Variants in ZBTB46 observed in about 807,000 individuals in gnomAD.
ZBTB46 encodes zinc finger and BTB domain-containing protein 46.
ZBTB46 carries 8 observed loss-of-function variants against 44.1 expected under a neutral mutation model. The observed-to-expected ratio is 0.18, with a 90% CI of 0.11 to 0.33. ZBTB46 has a LOEUF of 0.33. Ranked by LOEUF, ZBTB46 falls within the 10% of genes least tolerant of loss-of-function variation. The probability of loss-of-function intolerance (pLI) is 1.00; values close to 1 mark genes in which losing one functional copy is unlikely to be tolerated. For synonymous variants in ZBTB46, 409 were observed against 382.3 expected (o/e 1.07, Z -0.81); for missense variants, 651 against 847.7 (o/e 0.77, Z 2.88).
chr20:63,820,608 G>T (rs6011158), intron 1 of ZBTB46, among the ~76,000 whole-genome samples: 27,856 of 150,286 alleles, frequency 0.19, 3,156 homozygotes, highest in East Asian at 0.46. Flanking sequence ...AATTTTGAAT[G>T]TTTGGTAGAG....
At chr20:63,786,395 G>A (rs1380093263) in intron 2 of ZBTB46, among the ~76,000 whole-genome samples, 5 of 152,212 alleles carry the variant, frequency 3.3e-5, no homozygotes, top group Non-Finnish European at 5.9e-5. Context: ...TGTGGGTGGA[G>A]GCCACGGCTG....
At chr20:63,750,368 C>T (rs1354896411) in intron 4 of ZBTB46, among the ~76,000 whole-genome samples, 2 of 151,946 alleles carry the variant, frequency 1.3e-5, no homozygotes, top group Non-Finnish European at 2.9e-5. Flanking sequence ...GCCTCAGCCT[C>T]TCAAGTAGCT....
chr20:63,766,689 A>T (rs1345055732), intron 3 of ZBTB46, among the ~76,000 whole-genome samples: 1 of 152,220 alleles, frequency 6.6e-6, no homozygotes, highest in East Asian at 1.9e-4. Flanking sequence ...CACCTTTGGT[A>T]AAATGCCCCA....
At chr20:63,761,490 T>A (rs1402293677) in intron 3 of ZBTB46, among the ~76,000 whole-genome samples, 1 of 152,010 alleles carries the variant, frequency 6.6e-6, no homozygotes, top group Non-Finnish European at 1.5e-5. Context: ...ATCATTCAGT[T>A]AAAAATATTT....
Position 63,752,469 on chromosome 20 carries a change from G to A in ZBTB46, c.1398+217C>T, listed in dbSNP as rs2092177590. ...GGCCAGCAGGTGAGCAGGGTGGGCC[G>A]AAGCCTCTGCAGGGGCCATGTGGCC... On this transcript the variant is annotated intron_variant, in intron 4 of 4. Coordinates refer to ENST00000245663, the MANE Select transcript of ZBTB46 (RefSeq NM_001369741.1). This position sits in a 1 kb window ranked among gnomAD's most constrained non-coding sequence, Gnocchi z 5.6. 6.6e-6 allele frequency among the ~76,000 whole-genome samples: 1 copy of A among 151,986 alleles called. No individual in the cohort carries two copies. The highest frequency in any genetic ancestry group is 1.9e-4 in the East Asian group (1 of 5,136).
At chr20:63,812,569 G>A (rs1012958548) in intron 1 of ZBTB46, among the ~76,000 whole-genome samples, 4 of 152,222 alleles carry the variant, frequency 2.6e-5, no homozygotes, top group African/African-American at 7.2e-5. Context: ...AAGGTCAGGA[G>A]TTCAAGACCA....
At chr20:63,815,008 C>T (rs775277363) in intron 1 of ZBTB46, 13 of 163,878 alleles carry the variant, frequency 7.9e-5, no homozygotes, top group Non-Finnish European at 1.6e-4. Context: ...GTCGAGGCTG[C>T]AGTGAGCTGA....
At chr20:63,795,424 A>G (rs1243627269) in intron 1 of ZBTB46, among the ~76,000 whole-genome samples, 2 of 152,252 alleles carry the variant, frequency 1.3e-5, no homozygotes, top group Non-Finnish European at 2.9e-5. Context: ...CGGTGCAGTT[A>G]CATTGTGCAG....
chr20:63,745,334 C>A lies in ZBTB46; in HGVS notation c.*1596G>T, dbSNP rs2092078140. 4 of 152,248 alleles carry A rather than the reference C, an allele frequency of 2.6e-5. No homozygotes were observed. The highest frequency in any genetic ancestry group is 2.6e-4 in the Admixed American group (4 of 15,272). The allele number at this position is 152,248 out of a possible 1,614,324, so 9.4% of individuals were successfully genotyped here. ...ACCCTGTCATTGGTAGAACCGGGGGCCAATGTCAAAAAACAAAAGCCGTGA... is the reference window on the plus strand; with the variant it reads ...ACCCTGTCATTGGTAGAACCGGGGGACAATGTCAAAAAACAAAAGCCGTGA... On this transcript the variant is annotated 3_prime_UTR_variant, in exon 5 of 5. Coordinates refer to ENST00000245663, the MANE Select transcript of ZBTB46 (RefSeq NM_001369741.1).
chr20:63,830,484 C>T (rs1332809755), intron 1 of ZBTB46, among the ~76,000 whole-genome samples: 3 of 150,736 alleles, frequency 2.0e-5, no homozygotes, highest in Admixed American at 6.6e-5. Flanking sequence ...AAGATGGAGA[C>T]CAGGCCGGCG....
At chr20:63,810,690 G>C (rs1187747083) in intron 1 of ZBTB46, among the ~76,000 whole-genome samples, 1 of 152,202 alleles carries the variant, frequency 6.6e-6, no homozygotes, top group African/African-American at 2.4e-5. Context: ...AGGTTACAGT[G>C]AGCCAAAATT....
At chr20:63,766,495 C>A (rs986873109) in intron 3 of ZBTB46, among the ~76,000 whole-genome samples, 4 of 147,988 alleles carry the variant, frequency 2.7e-5, no homozygotes, top group Admixed American at 6.8e-5. Context: ...GGATCACAGG[C>A]ATGAGCCACT....
chr20:63,775,763 G>A lies in ZBTB46; in HGVS notation c.1137C>T (p.Ser379=). 5.0e-6 allele frequency: 8 copies of A among 1,613,190 alleles called. No homozygotes were observed. Among genetic ancestry groups the A allele is most frequent in the Non-Finnish European group, 6.8e-6 (8 of 1,179,778 alleles). Residue 379 remains serine (S), a synonymous_variant, in exon 3 of 5, where the codon AGC becomes AGT. Coordinates refer to ENST00000245663, the MANE Select transcript of ZBTB46 (RefSeq NM_001369741.1). ...GCACGTCGGCCTTCAGCGACAGCAG[G>A]CTGTTCTTACTCATGAGCGCCGCGC... is the stretch of plus-strand genomic sequence containing the variant. The part of the protein sequence containing the change: ...NLRAALMSKN[S]LLSLKADVLG...
At chr20:63,816,096 AGTGGGCGCAGGTGCAGTGGGCGCAG>A (rs1403083200) in intron 1 of ZBTB46, among the ~76,000 whole-genome samples, 22 of 127,632 alleles carry the variant, frequency 1.7e-4, no homozygotes, top group Admixed American at 7.2e-4. Context: ...GCACAGGTGC[AGTGGGCGCAGGTGCAGTGGGCGCAG>A]GTGGGCGCAG....
At chr20:63,747,576 G>C (rs866769786) in intron 4 of ZBTB46, among the ~76,000 whole-genome samples, 4 of 148,458 alleles carry the variant, frequency 2.7e-5, no homozygotes, top group Admixed American at 6.7e-5. Context: ...GTTGGGGTTG[G>C]GGGGGCACAG....
chr20:63,817,436 C>G (rs2092765672), intron 1 of ZBTB46, among the ~76,000 whole-genome samples: 1 of 151,178 alleles, frequency 6.6e-6, no homozygotes, highest in African/African-American at 2.4e-5. Flanking sequence ...AAAAAGAGGC[C>G]GGGTGCAGTG....
At chr20:63,754,131 C>T (rs1386854851) in intron 3 of ZBTB46, among the ~76,000 whole-genome samples, 1 of 152,222 alleles carries the variant, frequency 6.6e-6, no homozygotes, top group African/African-American at 2.4e-5. Context: ...ACCCCGGAGG[C>T]CCCGCCTGGC....
At position 63,780,963 on chromosome 20, in the gene ZBTB46, T is replaced by C. The variant is rs2092464589; in HGVS notation, c.938-5001A>G. Among the ~76,000 whole-genome samples, 5 of 92,758 alleles carry C rather than the reference T, an allele frequency of 5.4e-5. No homozygotes were observed. The South Asian group carries it at 2.0e-3, about 38-fold the overall frequency. The allele number at this position is 92,758 out of a possible 152,430, so 60.9% of individuals were successfully genotyped here. ...GACCAACATGGTGAAACCCCATCTC[T>C]ACTAAAAAAAAAAAAAAAAATACAA... On this transcript the variant is annotated intron_variant, in intron 2 of 4. Transcript: ENST00000245663.
At chr20:63,811,189 G>A (rs1176508878) in intron 1 of ZBTB46, among the ~76,000 whole-genome samples, 6 of 143,378 alleles carry the variant, frequency 4.2e-5, no homozygotes, top group Non-Finnish European at 7.7e-5. Flanking sequence ...GCCCCACCCC[G>A]CCCAGCCCAC....
Sources: allele counts gnomAD v4.1 joint callset (sites outside exome capture counted in the v4.1 genomes callset), GRCh38; gene constraint gnomAD v4.1.1; non-coding constraint Gnocchi (gnomAD v3.1); transcripts MANE v1.5; gene names NCBI Gene and HGNC (gene_info 2026-07-23, HGNC 2026-07-21).